The following NTN1 variants were observed in gnomAD, a reference collection of about 807,000 sequenced individuals.
The protein encoded by NTN1 is netrin-1.
In NTN1, 11 loss-of-function variants were observed where a neutral mutation model predicts 54.2. That is an observed-to-expected ratio of 0.20 (90% CI 0.13 to 0.34). The LOEUF (loss-of-function observed/expected upper bound fraction) is 0.34. NTN1 is among the 10% of genes least tolerant of loss of function. The pLI, the probability that NTN1 is intolerant of heterozygous loss-of-function variation, is 1.00. For missense variants in NTN1, 740 were observed against 893.1 expected (o/e 0.83, Z 2.18); for synonymous variants, 371 against 382.0 (o/e 0.97, Z 0.33).
Position 9,129,813 on chromosome 17 carries a change from C to T in NTN1, c.1019-33000C>T, listed in dbSNP as rs189039225. On this transcript the variant is annotated intron_variant, in intron 2 of 6. Coordinates refer to ENST00000173229, the MANE Select transcript of NTN1 (RefSeq NM_004822.3). The stretch of plus-strand genomic sequence containing the variant: ...GTGCAGCCATTGACTCCTGAGCCAT[C>T]CTTCCTGTTTGGTGGTCCCAGACCT... Among the ~76,000 whole-genome samples the T allele has an allele frequency of 1.3e-3, 198 of 152,302 alleles. 1 individual carries two copies. The highest frequency in any genetic ancestry group is 4.4e-3 in the African/African-American group (183 of 41,566).
At chr17:9,169,290 A>G (rs1296776533) in intron 3 of NTN1, among the ~76,000 whole-genome samples, 2 of 152,234 alleles carry the variant, frequency 1.3e-5, no homozygotes, top group African/African-American at 4.8e-5. Flanking sequence ...TTGATACAAT[A>G]GGACAATTCT....
chr17:9,141,309 G>A (rs937236227), intron 2 of NTN1, among the ~76,000 whole-genome samples: 1 of 152,024 alleles, frequency 6.6e-6, no homozygotes, highest in Non-Finnish European at 1.5e-5. Context: ...GGGGAGAAGG[G>A]CAAGCATGAA....
chr17:9,098,334 C>G (rs901793034), intron 2 of NTN1, among the ~76,000 whole-genome samples: 9 of 152,218 alleles, frequency 5.9e-5, no homozygotes, highest in Non-Finnish European at 1.3e-4. Context: ...TGCCTGCAGC[C>G]AGGTGTCCTG....
intron 4 of NTN1, 22 bp from the exon 5 acceptor site, chr17:9,182,894 C>T: frequency 6.2e-7 from 1 of 1,613,746 alleles, no homozygotes; most frequent in Non-Finnish European, 8.5e-7. Context: ...CTCCCCTCGC[C>T]CCCGTCTTGA....
At chr17:9,061,072 T>C (rs560920440) in intron 2 of NTN1, among the ~76,000 whole-genome samples, 27 of 152,096 alleles carry the variant, frequency 1.8e-4, no homozygotes, top group Non-Finnish European at 3.8e-4. Flanking sequence ...GTGACCTTGG[T>C]TGAATCACCT....
intron 2 of NTN1, among the ~76,000 whole-genome samples, chr17:9,108,960 T>A (rs1209372235): frequency 2.6e-5 from 4 of 151,986 alleles, no homozygotes; most frequent in African/African-American, 9.7e-5. Context: ...CACTGCAACC[T>A]CTGCCTCCTG....
intron 2 of NTN1, among the ~76,000 whole-genome samples, chr17:9,058,306 A>G (rs1021725871): frequency 6.6e-6 from 1 of 152,228 alleles, no homozygotes; most frequent in African/African-American, 2.4e-5. Context: ...TCATTTTTGA[A>G]TAACAATCTT....
chr17:9,030,336 G>A (rs1362348575), intron 2 of NTN1, among the ~76,000 whole-genome samples: 1 of 152,240 alleles, frequency 6.6e-6, no homozygotes, highest in Non-Finnish European at 1.5e-5. Flanking sequence ...CCTGTGTCAG[G>A]ACCACCCCCA....
At chr17:9,185,295 G>A (rs1439893958) in intron 5 of NTN1, among the ~76,000 whole-genome samples, 1 of 152,164 alleles carries the variant, frequency 6.6e-6, no homozygotes, top group African/African-American at 2.4e-5. Context: ...GGCCAGGAGG[G>A]CCCCCTGGGA....
chr17:9,228,428 G>A (rs1158698231), intron 6 of NTN1, among the ~76,000 whole-genome samples: 1 of 152,140 alleles, frequency 6.6e-6, no homozygotes, highest in Non-Finnish European at 1.5e-5. Flanking sequence ...TCTGTGTGCC[G>A]AAGCCACTCT....
At chr17:9,209,296 C>A (rs1380343827) in intron 5 of NTN1, among the ~76,000 whole-genome samples, 1 of 152,134 alleles carries the variant, frequency 6.6e-6, no homozygotes, top group Non-Finnish European at 1.5e-5. Context: ...CGTCCTGGGG[C>A]CAGAAGTAGA....
intron 2 of NTN1, among the ~76,000 whole-genome samples, chr17:9,088,679 C>T (rs772400825): frequency 1.3e-5 from 2 of 152,138 alleles, no homozygotes; most frequent in Non-Finnish European, 2.9e-5. Context: ...GATTTTTCCG[C>T]TTCAATTATC....
intron 5 of NTN1, among the ~76,000 whole-genome samples, chr17:9,217,556 A>G (rs1905242127): frequency 6.6e-6 from 1 of 152,192 alleles, no homozygotes; most frequent in Non-Finnish European, 1.5e-5. Flanking sequence ...AACATACGGT[A>G]ACATTTTCCT....
chr17:9,187,654 CAAAAAAAAA>C (rs763852001), intron 5 of NTN1, among the ~76,000 whole-genome samples: 2 of 52,904 alleles, frequency 3.8e-5, no homozygotes, highest in African/African-American at 8.6e-5. Flanking sequence ...CTCATCTCTC[CAAAAAAAAA>C]AAAAAAAAAA....
chr17:9,213,622 CAT>C (rs1463585638), intron 5 of NTN1, among the ~76,000 whole-genome samples: 1 of 152,204 alleles, frequency 6.6e-6, no homozygotes, highest in African/African-American at 2.4e-5. Flanking sequence ...AAGGCTGAAT[CAT>C]ATAAAACTGC....
At chr17:9,072,531 A>G (rs2092035538) in intron 2 of NTN1, among the ~76,000 whole-genome samples, 1 of 152,158 alleles carries the variant, frequency 6.6e-6, no homozygotes, top group Non-Finnish European at 1.5e-5. Context: ...GGAAAATTGA[A>G]GGTGGCTGTT....
At chr17:9,132,399 C>T (rs1013130880) in intron 2 of NTN1, among the ~76,000 whole-genome samples, 3 of 152,212 alleles carry the variant, frequency 2.0e-5, no homozygotes, top group African/African-American at 4.8e-5. Flanking sequence ...CTACCCAGCG[C>T]ACACCTTGTA....
Position 9,221,147 on chromosome 17 carries a change from T to TGGCCCCC in NTN1, c.1412-21_1412-20insGGCCCCC. The TGGCCCCC allele has an allele frequency of 1.2e-5, 16 of 1,303,754 alleles. No individual in the cohort carries two copies. The highest frequency in any genetic ancestry group is 3.4e-5 in the East Asian group (1 of 29,414). 80.8% of individuals were successfully genotyped at this position (1,303,754 alleles called of 1,614,324 possible). ...CAGCCTAATTAGTTTTTGTCTGTGCTCCCCCCCCACCCCCCTGCAGACTGC... is the reference window on the plus strand; with the variant it reads ...CAGCCTAATTAGTTTTTGTCTGTGCTGGCCCCCCCCCCCCCACCCCCCTGCAGACTGC... On this transcript the variant is annotated intron_variant, in intron 5 of 6. Coordinates refer to ENST00000173229, the MANE Select transcript of NTN1 (RefSeq NM_004822.3). The surrounding 1 kb of genome is among the most constrained non-coding windows in gnomAD (Gnocchi z 4.5).
chr17:9,151,582 G>A lies in NTN1; in HGVS notation c.1019-11231G>A, dbSNP rs150556450. 4.0e-3 allele frequency among the ~76,000 whole-genome samples: 602 copies of A among 152,308 alleles called. 2 individuals are homozygous for A. The highest frequency in any genetic ancestry group is 0.013 in the African/African-American group (558 of 41,556). ...GGTGGTGGTGGGGAGGGGGAAGGGAGGGTGGACAGAAATTCTGTTTTCAAA... is the reference window on the plus strand; with the variant it reads ...GGTGGTGGTGGGGAGGGGGAAGGGAAGGTGGACAGAAATTCTGTTTTCAAA... On this transcript the variant is annotated intron_variant, in intron 2 of 6. Transcript: ENST00000173229.
Sources: gnomAD v4.1 joint callset for allele counts (sites outside exome capture counted in the v4.1 genomes callset) on GRCh38, gnomAD v4.1.1 for gene constraint, Gnocchi (gnomAD v3.1) non-coding constraint, MANE v1.5 for transcripts, NCBI Gene and HGNC (gene_info 2026-07-23, HGNC 2026-07-21) for gene names.